The following SERPINB12 variants were observed in gnomAD, a reference collection of about 807,000 sequenced individuals.
SERPINB12 encodes the protein serpin family B member 12.
A neutral mutation model predicts 41.1 loss-of-function variants in SERPINB12; 57 were observed. That is an observed-to-expected ratio of 1.39 (90% CI 1.12 to 1.73). The LOEUF (loss-of-function observed/expected upper bound fraction) is 1.73. SERPINB12 is among the 40% of genes most tolerant of loss of function. The pLI is 0.00. For missense variants in SERPINB12, 536 were observed against 501.9 expected, an observed-to-expected ratio of 1.07 and a Z score of -0.65; for synonymous variants, 180 against 181.3, an observed-to-expected ratio of 0.99 and a Z score of 0.06.
In SERPINB12 at chr18:63,567,069, CT is replaced by C; in HGVS notation, c.*59del. The C allele has an allele frequency of 6.7e-7, 1 of 1,490,272 alleles. No homozygotes were observed. Among genetic ancestry groups the C allele is most frequent in the East Asian group, 2.3e-5 (1 of 43,722 alleles). The allele number at this position is 1,490,272 out of a possible 1,614,324, so 92.3% of individuals were successfully genotyped here. ...AGGAAAATATCAATACAATCTTCCCCTGGCATAAGATGGGCATTTGAGTTTT... is the reference window on the plus strand; with the variant it reads ...AGGAAAATATCAATACAATCTTCCCCGGCATAAGATGGGCATTTGAGTTTT... On this transcript the variant is annotated 3_prime_UTR_variant, in exon 8 of 8. Coordinates refer to ENST00000382768, the MANE Select transcript of SERPINB12 (RefSeq NM_001307928.2).
chr18:63,548,290 T>A (rs539116784), intron 1 of SERPINB12, among the ~76,000 whole-genome samples: 7 of 151,868 alleles, frequency 4.6e-5, no homozygotes, highest in African/African-American at 1.7e-4. Context: ...AAATTAAAAA[T>A]GTTACACATT....
rs778245254 is a variant in SERPINB12, at chr18:63,558,499, C to T, written c.303+13C>T. On this transcript the variant is annotated intron_variant, in intron 3 of 7. Transcript: ENST00000382768. ...TCTGGATCAGCAGGTGAACCGCCAC[C>T]GTAGAAAACTCTTGCCTTTCTTTTT... 1.2e-5 allele frequency: 19 copies of T among 1,598,508 alleles called. No individual in the cohort carries two copies. The African/African-American group carries it at 1.2e-4, about 10-fold the overall frequency.
chr18:63,552,393 CAACAT>C (rs1363359773), intron 1 of SERPINB12, among the ~76,000 whole-genome samples: 1 of 151,984 alleles, frequency 6.6e-6, no homozygotes, highest in Non-Finnish European at 1.5e-5. Context: ...TTAATTGCAA[CAACAT>C]AACATAACAT....
chr18:63,557,347 A>G (rs1910712283), intron 2 of SERPINB12, among the ~76,000 whole-genome samples: 1 of 152,170 alleles, frequency 6.6e-6, no homozygotes, highest in South Asian at 2.1e-4. Context: ...CCTCCAGACC[A>G]TAAGGGATAC....
intron 1 of SERPINB12, among the ~76,000 whole-genome samples, chr18:63,545,988 A>T (rs1599413074): frequency 6.6e-6 from 1 of 152,334 alleles, no homozygotes; most frequent in East Asian, 1.9e-4. Flanking sequence ...CTGGATGCTT[A>T]GTCATTAATT....
rs146717789 is a variant in SERPINB12, at chr18:63,565,565, G to A, written c.826G>A (p.Val276Met). 2.6e-5 allele frequency: 42 copies of A among 1,614,070 alleles called. No individual in the cohort carries two copies. Among genetic ancestry groups the A allele is most frequent in the African/African-American group, 2.0e-4 (15 of 75,042 alleles). The change falls in exon 7 of 8, where the codon GTG (valine) becomes ATG (methionine). Residue 276 changes from valine (V) to methionine (M), a missense_variant. Physicochemically the swap from Val to Met is conservative, Grantham distance 21. Coordinates refer to ENST00000382768, the MANE Select transcript of SERPINB12 (RefSeq NM_001307928.2). ...RYTKGKLSMF[V>M]LLPSHSKDNL... ...CACCAAGGGGAAGCTCAGCATGTTC[G>A]TGCTGCTGCCATCTCACTCTAAAGA... is the stretch of plus-strand genomic sequence containing the variant.
At chr18:63,553,569 A>G (rs1318446863) in intron 1 of SERPINB12, among the ~76,000 whole-genome samples, 1 of 152,172 alleles carries the variant, frequency 6.6e-6, no homozygotes, top group Non-Finnish European at 1.5e-5. Flanking sequence ...TTTTCCTTCA[A>G]TATAGTCAGG....
At chr18:63,564,948 G>A (rs1199746064) in intron 6 of SERPINB12, among the ~76,000 whole-genome samples, 1 of 152,188 alleles carries the variant, frequency 6.6e-6, no homozygotes, top group Non-Finnish European at 1.5e-5. Context: ...CATTTTTGGA[G>A]GCTGAGGAGG....
At chr18:63,542,068 TG>T (rs1170918643), upstream of SERPINB12, among the ~76,000 whole-genome samples, 1 of 152,172 alleles carries the variant, frequency 6.6e-6, no homozygotes, top group Non-Finnish European at 1.5e-5. Context: ...TGAACTCATG[TG>T]TTACACAGTG....
chr18:63,560,378 G>A (rs2144342466), intron 4 of SERPINB12, among the ~76,000 whole-genome samples: 1 of 152,320 alleles, frequency 6.6e-6, no homozygotes, highest in Non-Finnish European at 1.5e-5. Context: ...GTTAGAGCAG[G>A]ACTAGCCAGG....
the SERPINB12 span, among the ~76,000 whole-genome samples, chr18:63,520,441 C>G: frequency 4.6e-5 from 7 of 152,310 alleles, no homozygotes; most frequent in East Asian, 1.4e-3. Context: ...ATGCATGTGT[C>G]AGTGGAGAAT....
At position 63,565,542 on chromosome 18, in the gene SERPINB12, C is replaced by T; in HGVS notation, c.803C>T (p.Thr268Ile). The T allele has an allele frequency of 6.2e-7, 1 of 1,614,092 alleles. No homozygotes were observed. Residue 268 changes from threonine to isoleucine, a missense_variant, in exon 7 of 8, where the codon ACC becomes ATC. Coordinates refer to ENST00000382768, the MANE Select transcript of SERPINB12 (RefSeq NM_001307928.2). ...GCACAGATCCTGGAAATGAGGTACA[C>T]CAAGGGGAAGCTCAGCATGTTCGTG... ...VKAQILEMRY[T>I]KGKLSMFVLL...
chr18:63,550,209 CAA>C (rs938375788), intron 1 of SERPINB12, among the ~76,000 whole-genome samples: 5 of 152,126 alleles, frequency 3.3e-5, no homozygotes, highest in Non-Finnish European at 5.9e-5. Context: ...AAATTGCATA[CAA>C]GTTTTTCAAG....
the SERPINB12 span, among the ~76,000 whole-genome samples, chr18:63,534,698 A>G: frequency 6.6e-6 from 1 of 152,160 alleles, no homozygotes; most frequent in Non-Finnish European, 1.5e-5. Flanking sequence ...TTTCCATTCT[A>G]ATATAGTTTC....
chr18:63,522,608 T>C, the SERPINB12 span, among the ~76,000 whole-genome samples: 1 of 152,114 alleles, frequency 6.6e-6, no homozygotes, highest in Admixed American at 6.5e-5. Context: ...TTGCTTGATC[T>C]TGATTAGCAG....
Position 63,561,211 on chromosome 18 carries a change from G to A in SERPINB12, c.562+9G>A. 1 of 1,537,948 alleles carries A rather than the reference G, an allele frequency of 6.5e-7. No homozygotes were observed. The highest frequency in any genetic ancestry group is 9.0e-7 in the Non-Finnish European group (1 of 1,112,260). ...TGAATGTCAATCCCAAGGTAAGAAAGCCCAAAAGCACGGGAGCTGGTATTG... is the reference window on the plus strand; with the variant it reads ...TGAATGTCAATCCCAAGGTAAGAAAACCCAAAAGCACGGGAGCTGGTATTG... On this transcript the variant is annotated intron_variant, in intron 5 of 7. Coordinates refer to ENST00000382768, the MANE Select transcript of SERPINB12 (RefSeq NM_001307928.2).
intron 1 of SERPINB12, among the ~76,000 whole-genome samples, chr18:63,544,582 A>G (rs530596114): frequency 1.3e-5 from 2 of 152,134 alleles, no homozygotes; most frequent in African/African-American, 4.8e-5. Flanking sequence ...GCTGTCTCAT[A>G]GCTTTGCCTG....
upstream of SERPINB12, among the ~76,000 whole-genome samples, chr18:63,541,743 A>G (rs1910276808): frequency 6.6e-6 from 1 of 152,052 alleles, no homozygotes; most frequent in Non-Finnish European, 1.5e-5. Context: ...GGAGATGAGG[A>G]AGACAGAGGT....
Position 63,567,110 on chromosome 18 carries a change from G to A in SERPINB12, c.*99G>A. On this transcript the variant is annotated 3_prime_UTR_variant, in exon 8 of 8. Transcript: ENST00000382768. ...ATTTGAGTTTTTGGTAATATCTAAA[G>A]CATCTCCTTCATCCTCCAGCCATCG... 1 of 1,166,526 alleles carries A rather than the reference G, an allele frequency of 8.6e-7. No homozygotes were observed. Among genetic ancestry groups the A allele is most frequent in the Non-Finnish European group, 1.2e-6 (1 of 833,368 alleles). The allele number at this position is 1,166,526 out of a possible 1,614,324, so 72.3% of individuals were successfully genotyped here. A position where few individuals can be genotyped will look rare whatever the true frequency, so the allele number is the denominator to read the frequency against.
Sources: gnomAD v4.1 joint callset for allele counts (sites outside exome capture counted in the v4.1 genomes callset) on GRCh38, gnomAD v4.1.1 for gene constraint, MANE v1.5 for transcripts, NCBI Gene and HGNC (gene_info 2026-07-23, HGNC 2026-07-21) for gene names.